Variants in EXTL3 observed in about 807,000 individuals in gnomAD.
EXTL3 encodes the protein exostosin-like 3.
A neutral mutation model predicts 69.3 loss-of-function variants in EXTL3; 27 were observed. The ratio of observed to expected loss-of-function variants is 0.39; its 90% confidence interval spans 0.29 to 0.54. The LOEUF (loss-of-function observed/expected upper bound fraction) is 0.54. EXTL3 is among the 20% of genes least tolerant of loss of function. The pLI, the probability that EXTL3 is intolerant of heterozygous loss-of-function variation, is 0.69. For missense variants in EXTL3, 1,003 were observed against 1,231.8 expected, an observed-to-expected ratio of 0.81 and a Z score of 2.78; for synonymous variants, 511 against 499.4, an observed-to-expected ratio of 1.02 and a Z score of -0.31.
intron 1 of EXTL3, among the ~76,000 whole-genome samples, chr8:28,704,355 C>T (rs1404404335): frequency 6.6e-6 from 1 of 152,210 alleles, no homozygotes; most frequent in African/African-American, 2.4e-5. Flanking sequence ...CGCAGCCATA[C>T]AAACGGAATC....
chr8:28,691,912 T>A (rs950157775), intron 1 of EXTL3, among the ~76,000 whole-genome samples: 1 of 151,846 alleles, frequency 6.6e-6, no homozygotes, highest in African/African-American at 2.4e-5. Context: ...AATAAAAAAA[T>A]TTAGATATTT....
At chr8:28,706,488 A>G (rs773853556) in intron 1 of EXTL3, among the ~76,000 whole-genome samples, 2 of 152,234 alleles carry the variant, frequency 1.3e-5, no homozygotes, top group South Asian at 4.1e-4. Flanking sequence ...TTACAGGGAA[A>G]GAGGATAGAC....
chr8:28,665,048 G>A (rs1356780999), intron 1 of EXTL3, among the ~76,000 whole-genome samples: 2 of 135,508 alleles, frequency 1.5e-5, no homozygotes, highest in Non-Finnish European at 3.2e-5. Flanking sequence ...TTTTTATTCT[G>A]AAAGTTTTCC....
rs374083446 is a variant in EXTL3 at position 28,716,294 on chromosome 8, G to C, written c.235G>C (p.Val79Leu). 2.5e-6 allele frequency: 4 copies of C among 1,614,238 alleles called. No individual in the cohort carries two copies. In the South Asian group the frequency reaches 3.3e-5, roughly 13 times the overall value. The change falls in exon 3 of 7, where the codon GTG becomes CTG. Residue 79 changes from valine to leucine, a missense_variant. Physicochemically the swap from Val to Leu is conservative, Grantham distance 32. Coordinates refer to ENST00000220562, the MANE Select transcript of EXTL3 (RefSeq NM_001440.4). This position sits in a 1 kb window ranked among gnomAD's most constrained non-coding sequence, Gnocchi z 7.1. ...GAACGAGCTGTGCGAGGTGAAGCACGTGCTGGATCTGTGCCGCATCCGGGA... is the reference window on the plus strand; with the variant it reads ...GAACGAGCTGTGCGAGGTGAAGCACCTGCTGGATCTGTGCCGCATCCGGGA... The part of the protein sequence containing the change: ...VGNELCEVKH[V>L]LDLCRIRESV...
intron 5 of EXTL3, chr8:28,740,722 C>T (rs1801758549): frequency 6.6e-6 from 1 of 151,998 alleles, no homozygotes; most frequent in Admixed American, 6.6e-5. Flanking sequence ...CTTTTTAGAC[C>T]TGTACCTAAT....
Position 28,716,695 on chromosome 8 carries a change from C to T in EXTL3, c.636C>T (p.Pro212=). ...DQFVFGSYLD[P]LVKQAFQATA... is the part of the protein sequence containing the mutation. ...TTGTCTTTGGCAGCTACCTGGATCCCTTGGTCAAGCAGGCTTTTCAGGCGA... is the reference window on the plus strand; with the variant it reads ...TTGTCTTTGGCAGCTACCTGGATCCTTTGGTCAAGCAGGCTTTTCAGGCGA... Residue 212 remains proline, a synonymous_variant, in exon 3 of 7, where the codon CCC becomes CCT. Transcript: ENST00000220562. The surrounding 1 kb of genome is among the most constrained non-coding windows in gnomAD (Gnocchi z 7.1). 2 of 1,614,246 alleles carry T rather than the reference C, an allele frequency of 1.2e-6. No individual in the cohort carries two copies. The highest frequency in any genetic ancestry group is 1.7e-6 in the Non-Finnish European group (2 of 1,180,042).
intron 1 of EXTL3, among the ~76,000 whole-genome samples, chr8:28,703,363 A>G (rs1800852684): frequency 6.6e-6 from 1 of 152,196 alleles, no homozygotes; most frequent in Non-Finnish European, 1.5e-5. Flanking sequence ...ATTAGGCCTC[A>G]AGAGTTTTGA....
Position 28,676,471 on chromosome 8 carries a change from T to C in EXTL3, c.-52-36986T>C, listed in dbSNP as rs77412952. Among the ~76,000 whole-genome samples, 7 of 152,136 alleles carry C rather than the reference T, an allele frequency of 4.6e-5. No homozygotes were observed. In the East Asian group the frequency reaches 1.2e-3, roughly 25 times the overall value. ...ATTATTGACATTGATGCAGAGTGGG[T>C]TTAGGAGATACTAAGTTGGTTTTAG... On this transcript the variant is annotated intron_variant, in intron 1 of 6. Coordinates refer to the EXTL3 transcript ENST00000523149.
At chr8:28,697,868 TAA>T, upstream of EXTL3, 1 of 152,218 alleles carries the variant, frequency 6.6e-6, no homozygotes, top group Non-Finnish European at 1.5e-5. Context: ...ACATGACTGT[TAA>T]ACAACAAATG....
intron 1 of EXTL3, among the ~76,000 whole-genome samples, chr8:28,702,218 G>A (rs991385829): frequency 6.6e-6 from 1 of 152,164 alleles, no homozygotes; most frequent in African/African-American, 2.4e-5. Flanking sequence ...TTTTTGCCGG[G>A]CTCGCCTCCT....
At chr8:28,713,773 A>G (rs1437215772) in intron 2 of EXTL3, among the ~76,000 whole-genome samples, 5 of 152,270 alleles carry the variant, frequency 3.3e-5, no homozygotes, top group South Asian at 4.1e-4. Flanking sequence ...CCTTTTAGTA[A>G]TATTATCATC....
intron 1 of EXTL3, among the ~76,000 whole-genome samples, chr8:28,702,870 T>C (rs1437185564): frequency 6.6e-6 from 1 of 152,180 alleles, no homozygotes; most frequent in Non-Finnish European, 1.5e-5. Flanking sequence ...CTCTGCAGTT[T>C]TCTGTATTTT....
chr8:28,747,073 A>G (rs952531303), intron 6 of EXTL3, among the ~76,000 whole-genome samples: 2 of 152,162 alleles, frequency 1.3e-5, no homozygotes, highest in Admixed American at 1.3e-4. Context: ...TGTCACATGG[A>G]ATAATGTGCA....
At chr8:28,612,274 C>T (rs1350040754) in intron 2 of EXTL3, among the ~76,000 whole-genome samples, 2 of 151,868 alleles carry the variant, frequency 1.3e-5, no homozygotes, top group Non-Finnish European at 2.9e-5. Flanking sequence ...GCCAACATGG[C>T]GAAACCCTGT....
In EXTL3 at chr8:28,641,402, CGAGCAA is replaced by C. The variant is rs1408418901; in HGVS notation, c.-53+18596_-53+18601del. On this transcript the variant is annotated intron_variant, in intron 1 of 6. Coordinates refer to the EXTL3 transcript ENST00000523149. ...CTATAAGTTAAGGTTTGGAAAAGACCGAGCAAGAGTAACACTTGAAAAATAATTATT... is the reference window on the plus strand; with the variant it reads ...CTATAAGTTAAGGTTTGGAAAAGACCGAGTAACACTTGAAAAATAATTATT... 2.0e-5 allele frequency among the ~76,000 whole-genome samples: 3 copies of C among 152,064 alleles called. No individual in the cohort carries two copies. The East Asian group carries it at 5.8e-4, about 29-fold the overall frequency.
At chr8:28,711,533 C>A (rs1459212108) in intron 1 of EXTL3, among the ~76,000 whole-genome samples, 1 of 152,036 alleles carries the variant, frequency 6.6e-6, no homozygotes. Context: ...TTTTCAGACT[C>A]ACTTTACAAA....
At chr8:28,712,390 C>A (rs240949) in intron 1 of EXTL3, among the ~76,000 whole-genome samples, 54,142 of 151,766 alleles carry the variant, frequency 0.36, 10,673 homozygotes, top group African/African-American at 0.54. Context: ...TCATGTTTCA[C>A]GATGGTCCTG....
At chr8:28,630,267 G>A (rs891533345) in intron 1 of EXTL3, among the ~76,000 whole-genome samples, 2 of 152,166 alleles carry the variant, frequency 1.3e-5, no homozygotes, top group Non-Finnish European at 2.9e-5. Context: ...CTGCTGCCAT[G>A]TAAGATGTGC....
rs553223471 is a variant in EXTL3 at position 28,707,518 on chromosome 8, G to T, written c.-570+5859G>T. Among the ~76,000 whole-genome samples the T allele has an allele frequency of 3.3e-5, 5 of 152,352 alleles. No homozygotes were observed. In the South Asian group the frequency reaches 1.0e-3, roughly 32 times the overall value. On this transcript the variant is annotated intron_variant, in intron 1 of 6. Coordinates refer to ENST00000220562, the MANE Select transcript of EXTL3 (RefSeq NM_001440.4). The stretch of plus-strand genomic sequence containing the variant: ...TGGTGCATTGAAGTGCGGACTTTCT[G>T]CGTTAGCTAAGGGATAGTGCTGTTT...
Sources: allele counts gnomAD v4.1 joint callset (sites outside exome capture counted in the v4.1 genomes callset), GRCh38; gene constraint gnomAD v4.1.1; non-coding constraint Gnocchi (gnomAD v3.1); transcripts MANE v1.5; gene names NCBI Gene and HGNC (gene_info 2026-07-23, HGNC 2026-07-21).